The following GNG7 variants were observed in gnomAD, a reference collection of about 807,000 sequenced individuals.
The protein encoded by GNG7 is guanine nucleotide-binding protein G(I)/G(S)/G(O) subunit gamma-7.
Under a neutral mutation model 4.0 loss-of-function variants are expected in GNG7, and 1 was observed. The observed-to-expected ratio is 0.25, with a 90% CI of 0.09 to 1.18. The LOEUF (loss-of-function observed/expected upper bound fraction) is 1.18. Among genes scored for constraint, GNG7 ranks in the 50% most tolerant of loss-of-function variants. GNG7 has a pLI of 0.50. For missense variants in GNG7, 86 were observed against 91.9 expected (o/e 0.94, Z 0.26); for synonymous variants, 34 against 36.9 (o/e 0.92, Z 0.29).
intron 3 of GNG7, among the ~76,000 whole-genome samples, chr19:2,548,896 G>T (rs2144755059): frequency 6.6e-6 from 1 of 152,310 alleles, no homozygotes; most frequent in African/African-American, 2.4e-5. Context: ...TGGTCGAAGG[G>T]ATGTTCCAGC....
intron 4 of GNG7, among the ~76,000 whole-genome samples, chr19:2,517,537 G>C (rs1972752689): frequency 6.6e-6 from 1 of 151,982 alleles, no homozygotes; most frequent in African/African-American, 2.4e-5. Context: ...GGTAATTTTT[G>C]TATTTTTAGT....
chr19:2,569,442 A>AT (rs1337761665), intron 2 of GNG7, among the ~76,000 whole-genome samples: 1 of 152,098 alleles, frequency 6.6e-6, no homozygotes, highest in African/African-American at 2.4e-5. Context: ...CACCCGGCTA[A>AT]TTTTTTGTAT....
rs539759432 is a variant in GNG7, at chr19:2,650,964, C to T, written c.-134-4684G>A. 2.0e-4 allele frequency among the ~76,000 whole-genome samples: 31 copies of T among 152,298 alleles called. No individual in the cohort carries two copies. The South Asian group carries it at 5.0e-3, about 24-fold the overall frequency. On this transcript the variant is annotated intron_variant, in intron 1 of 4. Coordinates refer to ENST00000382159, the MANE Select transcript of GNG7 (RefSeq NM_052847.3). ...TATGGATTTCAAGGCGCCAATAGCC[C>T]GGCTTTAAACCCAGCTCAGGGCCCT...
chr19:2,700,092 TAAC>T (rs1270075091), intron 1 of GNG7, among the ~76,000 whole-genome samples: 1 of 151,408 alleles, frequency 6.6e-6, no homozygotes, highest in African/African-American at 2.4e-5. Flanking sequence ...ATAATAATAA[TAAC>T]AATAATAATA....
At chr19:2,688,193 C>T (rs947393805) in intron 1 of GNG7, among the ~76,000 whole-genome samples, 29 of 152,204 alleles carry the variant, frequency 1.9e-4, no homozygotes, top group Non-Finnish European at 5.9e-5. Context: ...GTGGAGCTTG[C>T]AGTGAGCCAA....
At chr19:2,624,325 C>G (rs989078394) in intron 2 of GNG7, among the ~76,000 whole-genome samples, 1 of 151,602 alleles carries the variant, frequency 6.6e-6, no homozygotes, top group Non-Finnish European at 1.5e-5. Flanking sequence ...GTCAGGAGAT[C>G]GAGACCATCC....
chr19:2,597,180 T>C (rs1981047607), intron 2 of GNG7, among the ~76,000 whole-genome samples: 1 of 104,396 alleles, frequency 9.6e-6, no homozygotes, highest in Non-Finnish European at 2.0e-5. Context: ...GAGGATTGCT[T>C]GAGCCTGGGA....
At chr19:2,624,010 G>A (rs568306327) in intron 2 of GNG7, among the ~76,000 whole-genome samples, 4 of 152,206 alleles carry the variant, frequency 2.6e-5, no homozygotes, top group East Asian at 3.9e-4. Context: ...GAACATGAGC[G>A]AACAGTACAA....
At chr19:2,599,138 C>T (rs1052574089) in intron 2 of GNG7, among the ~76,000 whole-genome samples, 4 of 152,182 alleles carry the variant, frequency 2.6e-5, no homozygotes, top group Non-Finnish European at 4.4e-5. Context: ...GGGCGTGCCG[C>T]TGGTTGCTCC....
At chr19:2,616,174 T>C (rs1487180759) in intron 2 of GNG7, among the ~76,000 whole-genome samples, 1 of 152,140 alleles carries the variant, frequency 6.6e-6, no homozygotes, top group Admixed American at 6.5e-5. Flanking sequence ...TTTGGGAGGC[T>C]GAGGCGAGAG....
chr19:2,667,684 G>T (rs1304993109), intron 1 of GNG7, among the ~76,000 whole-genome samples: 1 of 152,174 alleles, frequency 6.6e-6, no homozygotes, highest in Non-Finnish European at 1.5e-5. Context: ...GGAGGCGGAG[G>T]CAGGCAGATC....
chr19:2,672,649 T>C (rs1252496222), intron 1 of GNG7, among the ~76,000 whole-genome samples: 2 of 152,074 alleles, frequency 1.3e-5, no homozygotes. Context: ...TTTCACCATG[T>C]TGGCCAGCTT....
In GNG7 at chr19:2,561,287, G is replaced by A. The variant is rs569675624; in HGVS notation, c.-77-6099C>T. Among the ~76,000 whole-genome samples the A allele has an allele frequency of 4.6e-5, 7 of 152,262 alleles. No individual in the cohort carries two copies. In the South Asian group the frequency reaches 1.0e-3, roughly 23 times the overall value. ...ACATCTGTGGCTGTCACGACTGGGGGTGCTCCTGGAATGGAGTGGGTGGAG... is the reference window on the plus strand; with the variant it reads ...ACATCTGTGGCTGTCACGACTGGGGATGCTCCTGGAATGGAGTGGGTGGAG... On this transcript the variant is annotated intron_variant, in intron 2 of 4. Transcript: ENST00000382159.
At chr19:2,545,254 G>A (rs2144751419) in intron 3 of GNG7, among the ~76,000 whole-genome samples, 1 of 152,264 alleles carries the variant, frequency 6.6e-6, no homozygotes, top group Non-Finnish European at 1.5e-5. Context: ...CAGGGATACT[G>A]CTCAGCACCC....
rs189140773 is a variant in GNG7, at chr19:2,571,340, G to A, written c.-77-16152C>T. Among the ~76,000 whole-genome samples, 8 of 152,160 alleles carry A rather than the reference G, an allele frequency of 5.3e-5. No individual in the cohort carries two copies. In the East Asian group the frequency reaches 9.6e-4, roughly 18 times the overall value. On this transcript the variant is annotated intron_variant, in intron 2 of 4. Coordinates refer to ENST00000382159, the MANE Select transcript of GNG7 (RefSeq NM_052847.3). ...GCTGATGCGACAATTCCATACCTAC[G>A]AATTTATTGCAAAGACCTTGTTGGA...
intron 2 of GNG7, among the ~76,000 whole-genome samples, chr19:2,585,793 C>CG (rs1568253222): frequency 6.6e-6 from 1 of 152,144 alleles, no homozygotes; most frequent in Non-Finnish European, 1.5e-5. Context: ...CTCCGCCTCC[C>CG]GGGTTCACGC....
chr19:2,661,716 AGAAG>A (rs1282864754), intron 1 of GNG7, among the ~76,000 whole-genome samples: 4 of 151,300 alleles, frequency 2.6e-5, no homozygotes, highest in African/African-American at 9.7e-5. Context: ...AAAAAAGGAA[AGAAG>A]GAAGGAACGA....
intron 2 of GNG7, chr19:2,610,910 C>T (rs1981538899): frequency 6.7e-6 from 1 of 148,314 alleles, no homozygotes; most frequent in Non-Finnish European, 1.5e-5. Context: ...AGACACCTGT[C>T]TCCTGGGCAC....
At chr19:2,553,724 A>T (rs1380287881) in intron 3 of GNG7, among the ~76,000 whole-genome samples, 1 of 148,800 alleles carries the variant, frequency 6.7e-6, no homozygotes, top group Non-Finnish European at 1.5e-5. Flanking sequence ...TATTACATAT[A>T]TGTACATATT....
Sources: allele counts gnomAD v4.1 joint callset (sites outside exome capture counted in the v4.1 genomes callset), GRCh38; gene constraint gnomAD v4.1.1; transcripts MANE v1.5; gene names NCBI Gene and HGNC (gene_info 2026-07-23, HGNC 2026-07-21).